SPAG9: variants seen among roughly 807,000 people sequenced by gnomAD.
SPAG9 encodes C-Jun-amino-terminal kinase-interacting protein 4.
Under a neutral mutation model 166.5 loss-of-function variants are expected in SPAG9, and 35 were observed. That is an observed-to-expected ratio of 0.21 (90% CI 0.16 to 0.28). The LOEUF is 0.28. Among genes scored for constraint, SPAG9 ranks in the 10% least tolerant of loss-of-function variants. The pLI, the probability that SPAG9 is intolerant of heterozygous loss-of-function variation, is 1.00. For missense variants in SPAG9, 1,235 were observed against 1,603.3 expected (o/e 0.77, Z 3.92); for synonymous variants, 534 against 565.5 (o/e 0.94, Z 0.79).
Position 50,999,740 on chromosome 17 carries a change from A to C in SPAG9, c.1608-23T>G, listed in dbSNP as rs369202902. The C allele has an allele frequency of 3.6e-5, 57 of 1,604,278 alleles. No homozygotes were observed. In the South Asian group the frequency reaches 5.5e-4, roughly 16 times the overall value. Reference sequence around the variant, plus strand: ...GCCCTACATTCAAAAAGAAAAGAAAAGAAACATTTATCAGTGAGGTATTCT... The same window carrying C: ...GCCCTACATTCAAAAAGAAAAGAAACGAAACATTTATCAGTGAGGTATTCT... On this transcript the variant is annotated intron_variant, in intron 13 of 29. Coordinates refer to ENST00000262013, the MANE Select transcript of SPAG9 (RefSeq NM_001130528.3).
At chr17:51,006,275 A>C (rs773671721) in intron 10 of SPAG9, 38 bp from the exon 11 acceptor site, 22 of 1,592,816 alleles carry the variant, frequency 1.4e-5, no homozygotes, top group Non-Finnish European at 1.9e-5. Context: ...ATTACAAATA[A>C]ATATTCTTTC....
intron 1 of SPAG9, among the ~76,000 whole-genome samples, chr17:51,095,811 G>GAT (rs955026967): frequency 5.9e-5 from 8 of 135,530 alleles, no homozygotes; most frequent in Admixed American, 4.9e-4. Context: ...TATATAGTGA[G>GAT]ATATATATAG....
chr17:50,968,557 C>A (rs1466046362), intron 29 of SPAG9, among the ~76,000 whole-genome samples: 1 of 151,972 alleles, frequency 6.6e-6, no homozygotes, highest in Non-Finnish European at 1.5e-5. Context: ...ATGGTGAAAC[C>A]CCGTCTCTAC....
At chr17:51,077,001 T>TCTATCTAG (rs1387560973) in intron 2 of SPAG9, among the ~76,000 whole-genome samples, 3 of 90,658 alleles carry the variant, frequency 3.3e-5, no homozygotes, top group Admixed American at 1.1e-4. Flanking sequence ...TATCTAGCTA[T>TCTATCTAG]CTAGCTAGCT....
At chr17:50,997,279 T>C (rs1470867740) in intron 15 of SPAG9, among the ~76,000 whole-genome samples, 4 of 152,188 alleles carry the variant, frequency 2.6e-5, no homozygotes, top group Admixed American at 6.5e-5. Context: ...CAAATTTATA[T>C]CAGGTTTCAG....
intron 11 of SPAG9, among the ~76,000 whole-genome samples, chr17:51,005,581 T>C (rs766518824): frequency 9.9e-5 from 15 of 152,274 alleles, no homozygotes; most frequent in African/African-American, 1.9e-4. Flanking sequence ...CCGGGTGCAG[T>C]GGCTCACGCC....
At chr17:51,002,674 C>T (rs1189606165) in intron 12 of SPAG9, among the ~76,000 whole-genome samples, 1 of 151,714 alleles carries the variant, frequency 6.6e-6, no homozygotes, top group East Asian at 2.0e-4. Context: ...AGGAGGATTG[C>T]TTCAGCTGGG....
chr17:51,025,316 C>CAAAAAA (rs10549685), intron 6 of SPAG9, among the ~76,000 whole-genome samples: 2 of 61,126 alleles, frequency 3.3e-5, no homozygotes, highest in Non-Finnish European at 5.6e-5. Context: ...GACTCTGTCT[C>CAAAAAA]AAAAAAAAAA....
chr17:51,089,661 T>C (rs75289406), intron 1 of SPAG9, among the ~76,000 whole-genome samples: 3,764 of 97,730 alleles, frequency 0.039, 268 homozygotes, highest in African/African-American at 0.13. Context: ...TATATATATA[T>C]ATACACATAC....
At chr17:51,013,221 CA>C (rs1450403812) in intron 9 of SPAG9, among the ~76,000 whole-genome samples, 1 of 152,136 alleles carries the variant, frequency 6.6e-6, no homozygotes, top group Non-Finnish European at 1.5e-5. Context: ...CCAATAGATA[CA>C]AATTTTTTTA....
At chr17:51,094,162 T>C (rs941834438) in intron 1 of SPAG9, among the ~76,000 whole-genome samples, 3 of 152,188 alleles carry the variant, frequency 2.0e-5, no homozygotes, top group East Asian at 1.9e-4. Flanking sequence ...GAAAGGACCA[T>C]GGGATATTGA....
At chr17:51,043,442 T>A (rs1231562321) in intron 4 of SPAG9, among the ~76,000 whole-genome samples, 1 of 152,240 alleles carries the variant, frequency 6.6e-6, no homozygotes, top group Non-Finnish European at 1.5e-5. Flanking sequence ...TGTTCTTTCT[T>A]GAAAATGACT....
intron 21 of SPAG9, chr17:50,989,401 T>C (rs2143810258): frequency 2.1e-6 from 1 of 476,288 alleles, no homozygotes; most frequent in East Asian, 4.2e-5. Flanking sequence ...TAATGACACA[T>C]TTCTCAGAAC....
At chr17:51,077,065 G>GCTAGCTAGCTAGCTAT (rs1598138405) in intron 2 of SPAG9, among the ~76,000 whole-genome samples, 2 of 114,270 alleles carry the variant, frequency 1.8e-5, no homozygotes, top group East Asian at 5.1e-4. Flanking sequence ...TAGCTATCTA[G>GCTAGCTAGCTAGCTAT]CTAGCTATCT....
intron 24 of SPAG9, among the ~76,000 whole-genome samples, chr17:50,984,624 T>TGCA (rs1974897815): frequency 6.6e-6 from 1 of 152,122 alleles, no homozygotes; most frequent in African/African-American, 2.4e-5. Flanking sequence ...AGGCGGAGCT[T>TGCA]GCAGTGAGCT....
chr17:51,012,347 G>A (rs1036795142), intron 9 of SPAG9, among the ~76,000 whole-genome samples: 17 of 152,016 alleles, frequency 1.1e-4, no homozygotes, highest in Admixed American at 1.1e-3. Flanking sequence ...CAAGACAGGC[G>A]AATCATGAGG....
At chr17:51,066,567 G>GAAAAAAAAAAAAAAAAAAA (rs71149340) in intron 2 of SPAG9, among the ~76,000 whole-genome samples, 1 of 110,838 alleles carries the variant, frequency 9.0e-6, no homozygotes, top group Non-Finnish European at 1.8e-5. Context: ...AAAAAAAAAA[G>GAAAAAAAAAAAAAAAAAAA]AAAAAAAAAA....
At chr17:51,057,294 G>A (rs149051671) in intron 2 of SPAG9, among the ~76,000 whole-genome samples, 178 of 152,308 alleles carry the variant, frequency 1.2e-3, no homozygotes, top group African/African-American at 4.1e-3. Flanking sequence ...ACTTGGCTAA[G>A]GAGCAGTGGG....
At position 51,042,002 on chromosome 17, in the gene SPAG9, T is replaced by G. The variant is rs151041388; in HGVS notation, c.591-351A>C. Among the ~76,000 whole-genome samples the G allele has an allele frequency of 3.4e-3, 522 of 152,294 alleles. 4 individuals carry two copies. The highest frequency in any genetic ancestry group is 0.017 in the Middle Eastern group (5 of 294). ...CATACGTAGCTTAGCCCTAGGGAAC[T>G]TGCAACCTCCTTCTTTGGAAGTGAA... On this transcript the variant is annotated intron_variant, in intron 4 of 29. Coordinates refer to ENST00000262013, the MANE Select transcript of SPAG9 (RefSeq NM_001130528.3).
Sources: allele counts gnomAD v4.1 joint callset (sites outside exome capture counted in the v4.1 genomes callset), GRCh38; gene constraint gnomAD v4.1.1; transcripts MANE v1.5; gene names NCBI Gene and HGNC (gene_info 2026-07-23, HGNC 2026-07-21).